The following PCDH15 variants were observed in gnomAD, a reference collection of about 807,000 sequenced individuals.
PCDH15 encodes the protein protocadherin related 15.
Under a neutral mutation model 178.5 loss-of-function variants are expected in PCDH15, and 129 were observed. That is an observed-to-expected ratio of 0.72 (90% CI 0.63 to 0.84). PCDH15 has a LOEUF of 0.84. PCDH15 is among the 40% of genes least tolerant of loss of function. The pLI is 0.00. For synonymous variants in PCDH15, 800 were observed against 732.0 expected (o/e 1.09, Z -1.50); for missense variants, 2,230 against 2,099.9 (o/e 1.06, Z -1.21).
intron 6 of PCDH15, among the ~76,000 whole-genome samples, chr10:54,332,037 G>T (rs1322309075): frequency 6.6e-6 from 1 of 150,846 alleles, no homozygotes; most frequent in Non-Finnish European, 1.5e-5. Flanking sequence ...GCCATTTGGG[G>T]ACTATTGATA....
intron 17 of PCDH15, among the ~76,000 whole-genome samples, chr10:54,076,271 A>G (rs552268740): frequency 6.6e-6 from 1 of 152,232 alleles, no homozygotes; most frequent in African/African-American, 2.4e-5. Flanking sequence ...CAATCTATGA[A>G]AATGCAAATG....
At chr10:55,327,249 C>G (rs1409142661) in intron 2 of PCDH15, among the ~76,000 whole-genome samples, 1 of 152,094 alleles carries the variant, frequency 6.6e-6, no homozygotes, top group Non-Finnish European at 1.5e-5. Flanking sequence ...TCTTACCAGA[C>G]ACCAATTCTG....
chr10:55,626,159 G>GAATAAATAAATAAATAAATAAATA (rs751870281), intron 2 of PCDH15, among the ~76,000 whole-genome samples: 1 of 151,032 alleles, frequency 6.6e-6, no homozygotes, highest in African/African-American at 2.5e-5. Flanking sequence ...GAGAGAGAGA[G>GAATAAATAAATAAATAAATAAATA]AATAAATAAA....
intron 2 of PCDH15, among the ~76,000 whole-genome samples, chr10:55,092,440 T>C (rs1402115356): frequency 6.6e-6 from 1 of 151,882 alleles, no homozygotes; most frequent in East Asian, 1.9e-4. Flanking sequence ...ATTCCCATAA[T>C]GCCAAAGGTA....
intron 2 of PCDH15, among the ~76,000 whole-genome samples, chr10:54,906,222 T>C (rs1289753032): frequency 6.6e-6 from 1 of 152,104 alleles, no homozygotes; most frequent in African/African-American, 2.4e-5. Flanking sequence ...ATCCACATCA[T>C]TGAAAGTCTG....
At chr10:55,252,603 C>A (rs1396605982) in intron 1 of PCDH15, among the ~76,000 whole-genome samples, 1 of 151,766 alleles carries the variant, frequency 6.6e-6, no homozygotes, top group Non-Finnish European at 1.5e-5. Context: ...GTAATATAAA[C>A]ATTAATTAGC....
chr10:54,660,014 ACAT>A (rs1363856319), intron 2 of PCDH15, among the ~76,000 whole-genome samples: 1 of 152,140 alleles, frequency 6.6e-6, no homozygotes, highest in African/African-American at 2.4e-5. Context: ...CCAATATCAT[ACAT>A]CAAGGAACTA....
At chr10:55,566,903 T>C (rs75436895) in intron 2 of PCDH15, among the ~76,000 whole-genome samples, 118 of 151,904 alleles carry the variant, frequency 7.8e-4, no homozygotes, top group African/African-American at 2.8e-3. Flanking sequence ...AAAATCCCAA[T>C]GATGCCTTAA....
intron 2 of PCDH15, among the ~76,000 whole-genome samples, chr10:55,331,288 G>A: frequency 6.6e-6 from 1 of 151,856 alleles, no homozygotes; most frequent in Non-Finnish European, 1.5e-5. Flanking sequence ...ATGATTTGTA[G>A]TACTGTAGGT....
chr10:55,527,716 T>C (rs566205038), intron 2 of PCDH15, among the ~76,000 whole-genome samples: 152 of 152,148 alleles, frequency 1.0e-3, no homozygotes, highest in Middle Eastern at 3.4e-3. Context: ...AAAACAAAAA[T>C]TTGACTTTTA....
rs572773411 is a variant in PCDH15 at position 54,308,680 on chromosome 10, A to G, written c.876+8591T>C. On this transcript the variant is annotated intron_variant, in intron 8 of 37. Coordinates refer to ENST00000644397, the MANE Select transcript of PCDH15 (RefSeq NM_001384140.1). ...TTAATTTCTGGGTTACATGTGCAGA[A>G]CGTGCAGGTTTGTAACATAGGTATA... is the stretch of plus-strand genomic sequence containing the variant. Among the ~76,000 whole-genome samples the G allele has an allele frequency of 3.3e-4, 50 of 152,174 alleles. No individual in the cohort carries two copies. In the South Asian group the frequency reaches 0.01, roughly 32 times the overall value.
At chr10:54,159,550 T>C (rs1229791470) in intron 13 of PCDH15, among the ~76,000 whole-genome samples, 2 of 152,172 alleles carry the variant, frequency 1.3e-5, no homozygotes, top group Non-Finnish European at 2.9e-5. Flanking sequence ...AAATTATGTC[T>C]TTCAACCGTA....
At chr10:53,942,375 A>T (rs2086146069) in intron 23 of PCDH15, among the ~76,000 whole-genome samples, 1 of 152,152 alleles carries the variant, frequency 6.6e-6, no homozygotes, top group African/African-American at 2.4e-5. Flanking sequence ...GCTTTGGGTA[A>T]GGCTTTGCCA....
chr10:55,058,028 G>A (rs1201580310), intron 2 of PCDH15, among the ~76,000 whole-genome samples: 8 of 151,266 alleles, frequency 5.3e-5, no homozygotes, highest in South Asian at 2.1e-4. Context: ...CTTTTTAATC[G>A]TTTGCATTCT....
At chr10:54,572,398 A>C (rs1011040019) in intron 2 of PCDH15, among the ~76,000 whole-genome samples, 1 of 152,146 alleles carries the variant, frequency 6.6e-6, no homozygotes, top group East Asian at 1.9e-4. Flanking sequence ...GCCTTCTAGA[A>C]ACAGAAAAAT....
At chr10:54,128,423 TCCA>T (rs1364836937) in intron 15 of PCDH15, among the ~76,000 whole-genome samples, 1 of 152,154 alleles carries the variant, frequency 6.6e-6, no homozygotes, top group Non-Finnish European at 1.5e-5. Context: ...AACTGCCCAC[TCCA>T]CCACCACATT....
At chr10:55,538,397 TCTTC>T (rs149632458) in intron 2 of PCDH15, among the ~76,000 whole-genome samples, 43,120 of 133,372 alleles carry the variant, frequency 0.32, 6,466 homozygotes, top group Middle Eastern at 0.39. Flanking sequence ...TTCCTTCCTT[TCTTC>T]CTTCCTTCCT....
chr10:54,518,530 A>G (rs193151059), intron 3 of PCDH15, among the ~76,000 whole-genome samples: 2,320 of 152,332 alleles, frequency 0.015, 59 homozygotes, highest in African/African-American at 0.052. Flanking sequence ...GAATCTCTGA[A>G]TAGACCAATA....
intron 2 of PCDH15, among the ~76,000 whole-genome samples, chr10:55,030,405 A>G (rs1840581004): frequency 6.6e-6 from 1 of 152,204 alleles, no homozygotes; most frequent in Non-Finnish European, 1.5e-5. Flanking sequence ...ATTTTGTAGA[A>G]TAAACACAGC....
Sources: allele counts gnomAD v4.1 joint callset (sites outside exome capture counted in the v4.1 genomes callset), GRCh38; gene constraint gnomAD v4.1.1; transcripts MANE v1.5; gene names NCBI Gene and HGNC (gene_info 2026-07-23, HGNC 2026-07-21).